Variants in ZFAND6 observed in about 807,000 individuals in gnomAD.
ZFAND6 encodes zinc finger AN1-type containing 6, also known as AN1-type zinc finger protein 6.
ZFAND6 carries 12 observed loss-of-function variants against 24.5 expected under a neutral mutation model. The ratio of observed to expected loss-of-function variants is 0.49; its 90% CI spans 0.31 to 0.79. The LOEUF is 0.79. ZFAND6 is among the 30% of genes least tolerant of loss of function. The pLI, the probability that ZFAND6 is intolerant of heterozygous loss-of-function variation, is 0.04. For missense variants in ZFAND6, 207 were observed against 245.9 expected, an observed-to-expected ratio of 0.84 and a Z score of 1.06; for synonymous variants, 92 against 81.5, an observed-to-expected ratio of 1.13 and a Z score of -0.69.
At chr15:80,099,618 C>CTTTTTTTTTTTTTT (rs3082079) in intron 2 of ZFAND6, among the ~76,000 whole-genome samples, 2 of 109,194 alleles carry the variant, frequency 1.8e-5, no homozygotes, top group East Asian at 2.5e-4. Flanking sequence ...TATGGATATC[C>CTTTTTTTTTTTTTT]TTTTTTTTTT....
chr15:80,117,030 A>C (rs770917479), intron 2 of ZFAND6, among the ~76,000 whole-genome samples: 4 of 152,220 alleles, frequency 2.6e-5, no homozygotes, highest in Non-Finnish European at 5.9e-5. Flanking sequence ...TCTTAGGATG[A>C]TATTTCAAAT....
intron 6 of ZFAND6, among the ~76,000 whole-genome samples, chr15:80,134,989 A>G (rs973269086): frequency 2.6e-5 from 4 of 152,222 alleles, no homozygotes; most frequent in African/African-American, 9.6e-5. Context: ...AAAGCAGAAA[A>G]GTCAGAAATT....
chr15:80,067,035 G>A (rs1391082468), intron 1 of ZFAND6, among the ~76,000 whole-genome samples: 1 of 152,148 alleles, frequency 6.6e-6, no homozygotes, highest in Non-Finnish European at 1.5e-5. Context: ...GTTGAAGGTA[G>A]TTTCCCATGT....
intron 1 of ZFAND6, among the ~76,000 whole-genome samples, chr15:80,090,601 TTTTG>T (rs2141895854): frequency 6.6e-6 from 1 of 151,706 alleles, no homozygotes; most frequent in South Asian, 2.1e-4. Flanking sequence ...CATCCCATGT[TTTTG>T]TTTGTTTTTT....
At chr15:80,097,624 G>T (rs542308894) in intron 1 of ZFAND6, among the ~76,000 whole-genome samples, 8 of 151,866 alleles carry the variant, frequency 5.3e-5, no homozygotes, top group Non-Finnish European at 1.0e-4. Context: ...ATGCACTCCA[G>T]CCTGGGCAAC....
At chr15:80,123,767 A>G (rs76616147) in intron 5 of ZFAND6, among the ~76,000 whole-genome samples, 5,189 of 152,314 alleles carry the variant, frequency 0.034, 279 homozygotes, top group East Asian at 0.22. Flanking sequence ...ACAACTACTC[A>G]GGAAGCTGAC....
chr15:80,070,771 C>T (rs746562434), intron 1 of ZFAND6, among the ~76,000 whole-genome samples: 3 of 152,116 alleles, frequency 2.0e-5, no homozygotes, highest in Non-Finnish European at 4.4e-5. Flanking sequence ...TTTATGCTTG[C>T]CAGATTTTAA....
At chr15:80,134,371 T>C (rs8025843) in intron 6 of ZFAND6, among the ~76,000 whole-genome samples, 83,003 of 151,750 alleles carry the variant, frequency 0.55, 24,855 homozygotes, top group Non-Finnish European at 0.68. Context: ...AAGTGATAAA[T>C]GCTTGCTCCC....
At chr15:80,086,170 C>T (rs2037993112) in intron 1 of ZFAND6, among the ~76,000 whole-genome samples, 1 of 152,034 alleles carries the variant, frequency 6.6e-6, no homozygotes, top group Non-Finnish European at 1.5e-5. Context: ...TCCCAAGTAG[C>T]TGGGATTACA....
intron 1 of ZFAND6, among the ~76,000 whole-genome samples, chr15:80,071,418 G>A (rs1279284960): frequency 2.0e-5 from 3 of 152,106 alleles, no homozygotes; most frequent in Non-Finnish European, 4.4e-5. Context: ...TACTTACACC[G>A]TAAATTAGAC....
chr15:80,135,556 T>G (rs1412816573), intron 6 of ZFAND6, among the ~76,000 whole-genome samples: 1 of 152,238 alleles, frequency 6.6e-6, no homozygotes, highest in Non-Finnish European at 1.5e-5. Context: ...GATAAGATTT[T>G]GAGCAGAGCT....
intron 1 of ZFAND6, among the ~76,000 whole-genome samples, chr15:80,086,736 G>A (rs1267923799): frequency 6.6e-6 from 1 of 152,148 alleles, no homozygotes; most frequent in African/African-American, 2.4e-5. Context: ...CATTCACATT[G>A]TTGTATAACT....
At chr15:80,072,167 A>G (rs1216617375) in intron 1 of ZFAND6, among the ~76,000 whole-genome samples, 3 of 152,092 alleles carry the variant, frequency 2.0e-5, no homozygotes, top group Non-Finnish European at 4.4e-5. Flanking sequence ...TACAATTTTC[A>G]GGTAAAATGT....
At chr15:80,111,360 GTTC>G (rs1341320465) in intron 2 of ZFAND6, 12 of 377,918 alleles carry the variant, frequency 3.2e-5, no homozygotes, top group African/African-American at 2.1e-4. Flanking sequence ...GAATTTGTGG[GTTC>G]TTAACTCTTG....
chr15:80,131,035 G>A, intron 5 of ZFAND6, 145 bp from the exon 6 acceptor site: 1 of 543,128 alleles, frequency 1.8e-6, no homozygotes, highest in East Asian at 2.9e-5. Flanking sequence ...TCATATTTTT[G>A]TAAACAACTT....
At chr15:80,089,852 A>G (rs1263828578) in intron 1 of ZFAND6, among the ~76,000 whole-genome samples, 1 of 152,086 alleles carries the variant, frequency 6.6e-6, no homozygotes, top group Non-Finnish European at 1.5e-5. Flanking sequence ...CCTTCTAGGT[A>G]TTTATATTTT....
upstream of ZFAND6, among the ~76,000 whole-genome samples, chr15:80,059,310 C>G (rs2036197914): frequency 1.3e-5 from 2 of 152,232 alleles, no homozygotes; most frequent in African/African-American, 4.8e-5. Flanking sequence ...GGTACCTGAA[C>G]CTACATAACC....
chr15:80,119,921 C>T (rs2040072780), intron 2 of ZFAND6, among the ~76,000 whole-genome samples: 1 of 152,094 alleles, frequency 6.6e-6, no homozygotes, highest in Admixed American at 6.5e-5. Flanking sequence ...CATGAACTTC[C>T]AGCAAAAGTT....
At chr15:80,085,880 C>T (rs2037967816) in intron 1 of ZFAND6, among the ~76,000 whole-genome samples, 1 of 152,006 alleles carries the variant, frequency 6.6e-6, no homozygotes. Context: ...TTTTACTGTA[C>T]CTTTTTTATG....
Sources: gnomAD v4.1 joint callset for allele counts (sites outside exome capture counted in the v4.1 genomes callset) on GRCh38, gnomAD v4.1.1 for gene constraint, MANE v1.5 for transcripts, NCBI Gene and HGNC (gene_info 2026-07-23, HGNC 2026-07-21) for gene names.